The following PRIM2 variants were observed in gnomAD, a reference collection of about 807,000 sequenced individuals.
PRIM2 encodes the protein DNA primase large subunit.
Under a neutral mutation model 67.3 loss-of-function variants are expected in PRIM2, and 39 were observed. That is an observed-to-expected ratio of 0.58 (90% CI 0.45 to 0.76). The LOEUF (loss-of-function observed/expected upper bound fraction) is 0.76, where lower values mean the gene tolerates loss of function less well. Ranked by LOEUF, PRIM2 falls within the 30% of genes least tolerant of loss-of-function variation. The probability of loss-of-function intolerance (pLI) is 0.00; values close to 1 mark genes in which losing one functional copy is unlikely to be tolerated. For missense variants in PRIM2, 398 were observed against 598.7 expected, an observed-to-expected ratio of 0.66 and a Z score of 3.50; for synonymous variants, 143 against 198.7, an observed-to-expected ratio of 0.72 and a Z score of 2.36.
chr6:57,253,887 G>T, the PRIM2 span, among the ~76,000 whole-genome samples: 1 of 152,172 alleles, frequency 6.6e-6, no homozygotes, highest in Non-Finnish European at 1.5e-5. Flanking sequence ...TAGCCTTAAT[G>T]CTCCTTCTAG....
chr6:57,345,930 C>G (rs74193751), intron 5 of PRIM2, among the ~76,000 whole-genome samples: 1 of 152,124 alleles, frequency 6.6e-6, no homozygotes, highest in Non-Finnish European at 1.5e-5. Flanking sequence ...GTTGCCATGG[C>G]ATTTGTAAAC....
chr6:57,330,587 C>A (rs1768027267), intron 5 of PRIM2, among the ~76,000 whole-genome samples: 1 of 151,970 alleles, frequency 6.6e-6, no homozygotes, highest in Non-Finnish European at 1.5e-5. Flanking sequence ...GATATTCTGA[C>A]TCCTTTCTAA....
chr6:57,407,421 T>A (rs1470162003), intron 7 of PRIM2, among the ~76,000 whole-genome samples: 2 of 152,150 alleles, frequency 1.3e-5, no homozygotes, highest in Non-Finnish European at 2.9e-5. Context: ...ACAGATTTTT[T>A]TTTTCACTTA....
At chr6:57,367,039 A>G (rs1395028188) in intron 5 of PRIM2, among the ~76,000 whole-genome samples, 2 of 152,092 alleles carry the variant, frequency 1.3e-5, no homozygotes, top group African/African-American at 2.4e-5. Context: ...AAATGTGCCT[A>G]TGCTATTAAA....
intron 7 of PRIM2, among the ~76,000 whole-genome samples, chr6:57,465,706 G>A (rs1773160176): frequency 6.6e-6 from 1 of 152,184 alleles, no homozygotes; most frequent in South Asian, 2.1e-4. Flanking sequence ...TACCTCATAG[G>A]CTTCTTTTGA....
chr6:57,374,602 A>G (rs1295535623), intron 5 of PRIM2, among the ~76,000 whole-genome samples: 1 of 111,540 alleles, frequency 9.0e-6, no homozygotes, highest in East Asian at 2.8e-4. Context: ...TTATTTATTT[A>G]TTTTTTGAGA....
At chr6:57,315,395 A>T (rs1269890322), upstream of PRIM2, among the ~76,000 whole-genome samples, 2 of 152,302 alleles carry the variant, frequency 1.3e-5, no homozygotes, top group East Asian at 3.9e-4. Flanking sequence ...TCCAAAAGAT[A>T]AAGAACTTCT....
chr6:57,495,558 AGTG>A (rs1360173254), intron 7 of PRIM2, among the ~76,000 whole-genome samples: 18 of 152,218 alleles, frequency 1.2e-4, no homozygotes, highest in Non-Finnish European at 2.5e-4. Flanking sequence ...CATTTGGATC[AGTG>A]GTTTGAGGTT....
At chr6:57,465,930 T>A (rs1773173318) in intron 7 of PRIM2, among the ~76,000 whole-genome samples, 1 of 152,114 alleles carries the variant, frequency 6.6e-6, no homozygotes. Context: ...CATCAACCTG[T>A]CATCTACATT....
the PRIM2 span, among the ~76,000 whole-genome samples, chr6:57,234,955 C>T: frequency 6.6e-6 from 1 of 152,130 alleles, no homozygotes; most frequent in East Asian, 1.9e-4. Flanking sequence ...AGAGGATCGT[C>T]GGAGCCAAGG....
chr6:57,424,032 G>T (rs1307742979), intron 7 of PRIM2, among the ~76,000 whole-genome samples: 1 of 152,134 alleles, frequency 6.6e-6, no homozygotes, highest in African/African-American at 2.4e-5. Flanking sequence ...TTTTGTCTGT[G>T]ATGCCAGTGG....
chr6:57,480,311 A>C (rs1297977944), intron 7 of PRIM2, among the ~76,000 whole-genome samples: 8 of 152,204 alleles, frequency 5.3e-5, no homozygotes, highest in Non-Finnish European at 8.8e-5. Context: ...ACAGTTTTAC[A>C]TACACAGGAA....
intron 7 of PRIM2, among the ~76,000 whole-genome samples, chr6:57,423,034 T>C (rs923399360): frequency 1.3e-5 from 2 of 152,338 alleles, no homozygotes; most frequent in Middle Eastern, 3.4e-3. Context: ...GTAACACAAA[T>C]GGCTGATTTT....
intron 11 of PRIM2, among the ~76,000 whole-genome samples, chr6:57,604,308 A>G (rs1463840542): frequency 2.0e-5 from 3 of 152,168 alleles, no homozygotes; most frequent in Non-Finnish European, 2.9e-5. Context: ...ATTTTTGTAT[A>G]TTAATTTTGT....
chr6:57,380,081 A>G (rs1465059304), intron 6 of PRIM2, 85 bp downstream of exon 6: 3 of 1,089,058 alleles, frequency 2.8e-6, no homozygotes, highest in Non-Finnish European at 3.9e-6. Context: ...ATCCATTTTT[A>G]TAGCCTCTCA....
At chr6:57,547,611 G>A (rs1294199235) in intron 10 of PRIM2, among the ~76,000 whole-genome samples, 2 of 152,174 alleles carry the variant, frequency 1.3e-5, no homozygotes. Context: ...TAAATTCAAA[G>A]CATGTGTCCT....
intron 7 of PRIM2, among the ~76,000 whole-genome samples, chr6:57,392,898 G>A (rs1251081525): frequency 3.3e-5 from 5 of 151,702 alleles, no homozygotes; most frequent in Admixed American, 1.3e-4. Flanking sequence ...ACGACGTTTG[G>A]TTTTCCATTC....
intron 7 of PRIM2, among the ~76,000 whole-genome samples, chr6:57,462,413 T>C (rs1773038589): frequency 6.6e-6 from 1 of 152,250 alleles, no homozygotes; most frequent in Non-Finnish European, 1.5e-5. Flanking sequence ...AATTGTGTAC[T>C]AGTGTTTTAT....
the PRIM2 span, among the ~76,000 whole-genome samples, chr6:57,252,449 T>C: frequency 6.7e-6 from 1 of 149,996 alleles, no homozygotes; most frequent in Non-Finnish European, 1.5e-5. Flanking sequence ...CTTCTTTTTC[T>C]TTTTTTTTTG....
Sources: allele counts gnomAD v4.1 joint callset (sites outside exome capture counted in the v4.1 genomes callset), GRCh38; gene constraint gnomAD v4.1.1; transcripts MANE v1.5; gene names NCBI Gene and HGNC (gene_info 2026-07-23, HGNC 2026-07-21).